The following ABCC8 variants were observed in gnomAD, a reference collection of about 807,000 sequenced individuals.
ABCC8 encodes the protein ATP binding cassette subfamily C member 8, also known as ATP-binding cassette sub-family C member 8.
A neutral mutation model predicts 188.0 loss-of-function variants in ABCC8; 137 were observed. The ratio of observed to expected loss-of-function variants is 0.73; its 90% CI spans 0.63 to 0.84. ABCC8 has a LOEUF of 0.84. Among genes scored for constraint, ABCC8 ranks in the 40% least tolerant of loss-of-function variants. ABCC8 has a pLI of 0.00. For synonymous variants in ABCC8, 797 were observed against 846.5 expected (o/e 0.94, Z 1.01); for missense variants, 1,750 against 2,072.7 (o/e 0.84, Z 3.02).
chr11:17,404,430 A>G lies in ABCC8; in HGVS notation c.3557+82T>C, dbSNP rs887603675. 1 of 1,390,780 alleles carries G rather than the reference A, an allele frequency of 7.2e-7. No homozygotes were observed. The highest frequency in any genetic ancestry group is 1.4e-5 in the African/African-American group (1 of 70,310). 86.2% of individuals were successfully genotyped at this position (1,390,780 alleles called of 1,614,324 possible). ...TTTTTGGAGGGAACACGACCCTATT[A>G]CTCTCATAACGATGAGTCTAGCAAG... On this transcript the variant is annotated intron_variant, in intron 28 of 38. Transcript: ENST00000389817. This position sits in a 1 kb window ranked among gnomAD's most constrained non-coding sequence, Gnocchi z 4.7.
chr11:17,392,815 A>G, downstream of ABCC8: 1 of 731,528 alleles, frequency 1.4e-6, no homozygotes, highest in Non-Finnish European at 2.3e-6. Flanking sequence ...GCCTGATGTC[A>G]GAGCCAGGCT....
intron 10 of ABCC8, among the ~76,000 whole-genome samples, chr11:17,438,007 A>G (rs1049801265): frequency 2.6e-5 from 4 of 152,190 alleles, no homozygotes; most frequent in Non-Finnish European, 4.4e-5. Flanking sequence ...AGGCTGAGGC[A>G]GGGAGAATTA....
chr11:17,434,984 C>CGCATGTGTGTGT (rs71457876), intron 10 of ABCC8, among the ~76,000 whole-genome samples: 4 of 144,650 alleles, frequency 2.8e-5, no homozygotes, highest in African/African-American at 1.1e-4. Flanking sequence ...CGTGTGTTCG[C>CGCATGTGTGTGT]GTGTGTGTGT....
At chr11:17,467,746 T>C (rs4148605) in intron 3 of ABCC8, among the ~76,000 whole-genome samples, 49,117 of 151,852 alleles carry the variant, frequency 0.32, 7,944 homozygotes, top group Middle Eastern at 0.46. Flanking sequence ...ACCCATTTCC[T>C]TCTGTCCCTG....
chr11:17,396,131 G>A (rs879457510), intron 33 of ABCC8: 42 of 1,258,550 alleles, frequency 3.3e-5, no homozygotes, highest in Non-Finnish European at 4.2e-5. Flanking sequence ...CACAGGGACC[G>A]GCACGCAAGT....
At chr11:17,461,859 G>A in intron 4 of ABCC8, 34 bp from the exon 5 acceptor site, 11 of 1,612,440 alleles carry the variant, frequency 6.8e-6, no homozygotes, top group Non-Finnish European at 9.3e-6. Flanking sequence ...GGATGGGTAA[G>A]TCCAACTTCT....
chr11:17,424,962 G>C (rs1955516011), intron 16 of ABCC8, among the ~76,000 whole-genome samples: 1 of 152,188 alleles, frequency 6.6e-6, no homozygotes, highest in South Asian at 2.1e-4. Flanking sequence ...ACTTAGCAAA[G>C]GGCATGGCCC....
intron 1 of ABCC8, 189 bp from the exon 2 acceptor site, chr11:17,475,216 C>T (rs1240628498): frequency 1.0e-5 from 3 of 286,928 alleles, no homozygotes; most frequent in African/African-American, 6.8e-5. Flanking sequence ...CTGGTACCTC[C>T]CCCACCACAC....
chr11:17,397,703 C>T lies in ABCC8; in HGVS notation c.3848G>A (p.Gly1283Asp). ...RELSAGLVGL[G>D]LTYALMVSNY... ...GCTCACCATTAGGGCGTAGGTAAGG[C>T]CCAGGCCCACCAGGCCAGCAGAGAG... The change falls in exon 31 of 39, where the codon GGC becomes GAC. Residue 1283 changes from glycine to aspartate, a missense_variant. By Grantham distance (94) the Gly-to-Asp change is moderately conservative. Coordinates refer to ENST00000389817, the MANE Select transcript of ABCC8 (RefSeq NM_000352.6). 6.2e-7 allele frequency: 1 copy of T among 1,613,198 alleles called. No individual in the cohort carries two copies. Among genetic ancestry groups the T allele is most frequent in the Non-Finnish European group, 8.5e-7 (1 of 1,180,008 alleles).
chr11:17,431,201 T>C (rs1440070764), intron 11 of ABCC8, among the ~76,000 whole-genome samples: 1 of 152,218 alleles, frequency 6.6e-6, no homozygotes, highest in Non-Finnish European at 1.5e-5. Context: ...CAAGACTCCC[T>C]GTCCTGCCCA....
chr11:17,450,208 G>A (rs1476141505), intron 7 of ABCC8, among the ~76,000 whole-genome samples: 1 of 151,474 alleles, frequency 6.6e-6, no homozygotes, highest in African/African-American at 2.4e-5. Context: ...AAGAAAGAAA[G>A]AAAGGGTTTT....
intron 33 of ABCC8, chr11:17,396,386 T>G: frequency 3.1e-6 from 1 of 317,980 alleles, no homozygotes; most frequent in Non-Finnish European, 6.1e-6. Flanking sequence ...CGGAGACAGA[T>G]AGTGACATAG....
Position 17,402,747 on chromosome 11 carries a change from C to T in ABCC8, c.3564G>A (p.Leu1188=), listed in dbSNP as rs751836972. Residue 1188 remains leucine, a synonymous_variant, in exon 29 of 39, where the codon CTG becomes CTA. Coordinates refer to ENST00000389817, the MANE Select transcript of ABCC8 (RefSeq NM_000352.6). The part of the protein sequence containing the change: ...QKYFRVASRD[L]QQLDDTTQLP... Reference sequence around the variant, plus strand: ...GCTGGGTGGTGTCATCCAGCTGCTGCAGGTCCCTGTGGCGGGGAACAGAGT... The same window carrying T: ...GCTGGGTGGTGTCATCCAGCTGCTGTAGGTCCCTGTGGCGGGGAACAGAGT... The T allele has an allele frequency of 4.3e-6, 7 of 1,614,132 alleles. No homozygotes were observed. In the African/African-American group the frequency reaches 9.3e-5, roughly 22 times the overall value.
At position 17,407,023 on chromosome 11, in the gene ABCC8, G is replaced by A. The variant is rs751662850; in HGVS notation, c.3027C>T (p.Ile1009=). 1.9e-6 allele frequency: 3 copies of A among 1,614,196 alleles called. No homozygotes were observed. Reference sequence around the variant, plus strand: ...AGAAGACCAGCAACGACAGGAGCAGGATGCCGGCGGAGGACAGGTACTTGG... The same window carrying A: ...AGAAGACCAGCAACGACAGGAGCAGAATGCCGGCGGAGGACAGGTACTTGG... The part of the protein sequence containing the change: ...ACAKYLSSAG[I]LLLSLLVFSQ... The change falls in exon 25 of 39, where the codon ATC becomes ATT. Residue 1009 remains isoleucine (I), a synonymous_variant. Transcript: ENST00000389817.
chr11:17,416,890 T>G (rs1360674437), intron 17 of ABCC8, 40 bp downstream of exon 17: 313 of 1,174,484 alleles, frequency 2.7e-4, no homozygotes, highest in Non-Finnish European at 3.4e-4. Context: ...ACCCCTTCCC[T>G]TTGTTGAGAC....
chr11:17,396,784 T>A, intron 33 of ABCC8, 132 bp downstream of exon 33: 1 of 1,173,050 alleles, frequency 8.5e-7, no homozygotes, highest in Admixed American at 2.0e-5. Context: ...GGCAGGAGAC[T>A]GCGATGTCTG....
chr11:17,398,433 G>T lies in ABCC8; in HGVS notation c.3659C>A (p.Ala1220Asp). 6.2e-7 allele frequency: 1 copy of T among 1,614,080 alleles called. No individual in the cohort carries two copies. Among genetic ancestry groups the T allele is most frequent in the Non-Finnish European group, 8.5e-7 (1 of 1,179,988 alleles). Residue 1220 changes from alanine (A) to aspartate (D), a missense_variant, in exon 30 of 39, where the codon GCC (alanine) becomes GAC (aspartate). Physicochemically the swap from Ala to Asp is moderately radical, Grantham distance 126. Transcript: ENST00000389817. Reference protein sequence around the residue: ...LTTIRAFRYEARFQQKLLEYT... With the variant: ...LTTIRAFRYEDRFQQKLLEYT... ...TTCGAGAAGCTTCTGCTGGAACCGG[G>T]CCTCATACCTGGAGGGAGGATGAGA...
rs4148631 is a variant in ABCC8 at position 17,414,389 on chromosome 11, G to A, written c.2390+123C>T. ...ACCATATGGAGAGGCTGGAGTGCAG[G>A]TAAGCACCTGGGGAGTGAGATGGCT... On this transcript the variant is annotated intron_variant, in intron 19 of 38. Coordinates refer to ENST00000389817, the MANE Select transcript of ABCC8 (RefSeq NM_000352.6). 1,039,683 of 1,386,800 alleles carry A rather than the reference G, an allele frequency of 0.75. 392,020 individuals carry two copies. The highest frequency in any genetic ancestry group is 0.86 in the East Asian group (37,792 of 43,706). The allele number at this position is 1,386,800 out of a possible 1,614,324, so 85.9% of individuals were successfully genotyped here.
chr11:17,442,527 T>C (rs1956356172), intron 10 of ABCC8, among the ~76,000 whole-genome samples, 193 bp downstream of exon 10: 1 of 152,196 alleles, frequency 6.6e-6, no homozygotes, highest in East Asian at 1.9e-4. Context: ...GCATGTTTGT[T>C]GGATAAATGA....
Sources: allele counts gnomAD v4.1 joint callset (sites outside exome capture counted in the v4.1 genomes callset), GRCh38; gene constraint gnomAD v4.1.1; non-coding constraint Gnocchi (gnomAD v3.1); transcripts MANE v1.5; gene names NCBI Gene and HGNC (gene_info 2026-07-23, HGNC 2026-07-21).